CPNE1: variants seen among roughly 807,000 people sequenced by gnomAD.
CPNE1 encodes copine-1.
In CPNE1, 58 loss-of-function variants were observed where a neutral mutation model predicts 63.2. The ratio of observed to expected loss-of-function variants is 0.92; its 90% CI spans 0.74 to 1.14. The LOEUF (loss-of-function observed/expected upper bound fraction) is 1.14. Ranked by LOEUF, CPNE1 falls within the 50% of genes most tolerant of loss-of-function variation. CPNE1 has a pLI of 0.00. For synonymous variants in CPNE1, 237 were observed against 249.0 expected (o/e 0.95, Z 0.45); for missense variants, 672 against 661.7 (o/e 1.02, Z -0.17).
At chr20:35,663,523 T>C (rs1337393595) in intron 1 of CPNE1, among the ~76,000 whole-genome samples, 2 of 152,218 alleles carry the variant, frequency 1.3e-5, no homozygotes, top group African/African-American at 2.4e-5. Context: ...GACTCTATTA[T>C]TGAATAATAT....
Position 35,632,183 on chromosome 20 carries a change from C to T in CPNE1, c.436G>A (p.Ala146Thr), listed in dbSNP as rs762311350. The part of the protein sequence containing the change: ...DNRVVTMEVE[A>T]RNLDKKDFLG... Reference sequence around the variant, plus strand: ...CACACCTTCTTATCTAGGTTTCTGGCCTCTACCTCCATGGTTACTACACGA... The same window carrying T: ...CACACCTTCTTATCTAGGTTTCTGGTCTCTACCTCCATGGTTACTACACGA... The change falls in exon 5 of 16, where the codon GCC becomes ACC. Residue 146 changes from alanine (A) to threonine (T), a missense_variant. Physicochemically the swap from Ala to Thr is moderately conservative, Grantham distance 58. Coordinates refer to ENST00000397443, the MANE Select transcript of CPNE1 (RefSeq NM_152925.3). The T allele has an allele frequency of 1.2e-6, 2 of 1,614,150 alleles. No homozygotes were observed. Among genetic ancestry groups the T allele is most frequent in the South Asian group, 1.1e-5 (1 of 91,088 alleles).
At chr20:35,636,344 A>G (rs1193311554) in intron 1 of CPNE1, among the ~76,000 whole-genome samples, 1 of 152,218 alleles carries the variant, frequency 6.6e-6, no homozygotes, top group Non-Finnish European at 1.5e-5. Context: ...CACAGTACAG[A>G]GACAAATAAA....
At chr20:35,658,634 G>A (rs1254849408) in intron 1 of CPNE1, among the ~76,000 whole-genome samples, 1 of 151,996 alleles carries the variant, frequency 6.6e-6, no homozygotes, top group Non-Finnish European at 1.5e-5. Context: ...GGTGGCAGGC[G>A]CCTGTAATCC....
At chr20:35,659,854 A>AT (rs528829156) in intron 1 of CPNE1, among the ~76,000 whole-genome samples, 4 of 151,944 alleles carry the variant, frequency 2.6e-5, no homozygotes, top group South Asian at 2.1e-4. Flanking sequence ...TTTGCTTTTT[A>AT]TTTTTTTTCA....
rs1464014898 is a variant in CPNE1, at chr20:35,632,855, G to A, written c.69C>T (p.Gly23=). 1 of 872,816 alleles carries A rather than the reference G, an allele frequency of 1.1e-6. No individual in the cohort carries two copies. Among genetic ancestry groups the A allele is most frequent in the African/African-American group, 1.6e-5 (1 of 61,304 alleles). 54.1% of individuals were successfully genotyped at this position (872,816 alleles called of 1,614,324 possible). The part of the protein sequence containing the change: ...SCDHLIDKDI[G]SKSDPLCVLL... ...GGACGCAGAGTGGGTCAGACTTGGA[G>A]CCGATGTCCTTGTCAATGAGATGGT... Residue 23 remains glycine (G), a synonymous_variant, in exon 2 of 16, where the codon GGC becomes GGT. Coordinates refer to ENST00000397443, the MANE Select transcript of CPNE1 (RefSeq NM_152925.3).
At chr20:35,633,959 CAAAAAAAAAAA>C (rs34006508) in intron 1 of CPNE1, among the ~76,000 whole-genome samples, 1 of 40,426 alleles carries the variant, frequency 2.5e-5, no homozygotes, top group Admixed American at 2.8e-4. Context: ...GATTCCGTCT[CAAAAAAAAAAA>C]AAAAAAAAAG....
chr20:35,643,713 C>A (rs2032951542), intron 1 of CPNE1, among the ~76,000 whole-genome samples: 1 of 152,120 alleles, frequency 6.6e-6, no homozygotes, highest in East Asian at 1.9e-4. Flanking sequence ...GCCTAAGCAA[C>A]AGAGTGAGAC....
intron 1 of CPNE1, chr20:35,654,526 A>G (rs1465646434): frequency 6.2e-7 from 1 of 1,614,230 alleles, no homozygotes; most frequent in Admixed American, 1.7e-5. Flanking sequence ...GTTCAAATTC[A>G]TAGGTGCTCC....
intron 1 of CPNE1, among the ~76,000 whole-genome samples, chr20:35,634,475 T>TC (rs998120812): frequency 6.6e-6 from 1 of 151,468 alleles, no homozygotes; most frequent in African/African-American, 2.4e-5. Context: ...GCGCCTGTAA[T>TC]CCTAGCACTT....
At chr20:35,655,563 A>T (rs2033845470) in intron 1 of CPNE1, among the ~76,000 whole-genome samples, 1 of 152,248 alleles carries the variant, frequency 6.6e-6, no homozygotes, top group Non-Finnish European at 1.5e-5. Flanking sequence ...TAATTTTGGA[A>T]ACAGTTCAGT....
chr20:35,633,948 A>T (rs1200151741), intron 1 of CPNE1, among the ~76,000 whole-genome samples: 1 of 109,746 alleles, frequency 9.1e-6, no homozygotes, highest in Non-Finnish European at 1.8e-5. Context: ...AACAAGAGCA[A>T]GATTCCGTCT....
Position 35,631,339 on chromosome 20 carries a change from T to G in CPNE1, c.730A>C (p.Ile244Leu). The change falls in exon 9 of 16, where the codon ATC becomes CTC. Residue 244 changes from isoleucine to leucine, a missense_variant. Coordinates refer to ENST00000397443, the MANE Select transcript of CPNE1 (RefSeq NM_152925.3). ...LQAVPAEFEC[I>L]HPEKQQKKKS... ...TTTTTCTGCTGCTTCTCAGGGTGGA[T>G]GCATTCAAACTCAGCCTGGTGAGGA... 6.2e-7 allele frequency: 1 copy of G among 1,614,146 alleles called. No individual in the cohort carries two copies. The highest frequency in any genetic ancestry group is 8.5e-7 in the Non-Finnish European group (1 of 1,180,012).
intron 1 of CPNE1, chr20:35,653,303 T>G: frequency 6.2e-7 from 1 of 1,613,620 alleles, no homozygotes; most frequent in African/African-American, 1.3e-5. Flanking sequence ...AGTCCTGTGC[T>G]GGGCAGGCCT....
intron 1 of CPNE1, chr20:35,658,895 G>A: frequency 2.8e-6 from 2 of 704,668 alleles, no homozygotes; most frequent in Non-Finnish European, 5.3e-6. Context: ...ATTTTATTTT[G>A]TATAAAAACG....
intron 1 of CPNE1, among the ~76,000 whole-genome samples, chr20:35,660,638 G>A (rs2034181742): frequency 1.3e-5 from 2 of 152,186 alleles, no homozygotes; most frequent in Admixed American, 1.3e-4. Context: ...AAAGCAATGA[G>A]CAAGAGCATG....
intron 1 of CPNE1, among the ~76,000 whole-genome samples, chr20:35,642,006 AG>A (rs1338248367): frequency 6.6e-6 from 1 of 152,220 alleles, no homozygotes; most frequent in Admixed American, 6.5e-5. Context: ...AACTGCAAAA[AG>A]TCATGGCTTC....
At position 35,653,810 on chromosome 20, in the gene CPNE1, T is replaced by C. The variant is rs377507072; in HGVS notation, c.-1+10950A>G. The C allele has an allele frequency of 3.1e-6, 5 of 1,613,774 alleles. No homozygotes were observed. The African/African-American group carries it at 4.0e-5, about 13-fold the overall frequency. ...TTTTCTAGCATACCTTTCTTAGTAA[T>C]TGGATGAACTTGAATAAAGCGATTG... On this transcript the variant is annotated intron_variant, in intron 1 of 15. Transcript: ENST00000397443.
chr20:35,626,356 G>A lies in CPNE1; in HGVS notation c.1499C>T (p.Thr500Ile). The A allele has an allele frequency of 6.2e-7, 1 of 1,614,162 alleles. No individual in the cohort carries two copies. ...TTGTGTGGGCACTTCTGCGAGCACG[G>A]TCTGTGCCAATGCCTCCCGAGGGGC... ...QNAPREALAQTVLAEVPTQLV... is the reference protein window; with the variant it reads ...QNAPREALAQIVLAEVPTQLV... The change falls in exon 16 of 16, where the codon ACC (threonine) becomes ATC (isoleucine). Residue 500 changes from threonine to isoleucine, a missense_variant. Physicochemically the swap from Thr to Ile is moderately conservative, Grantham distance 89. Coordinates refer to ENST00000397443, the MANE Select transcript of CPNE1 (RefSeq NM_152925.3).
At chr20:35,643,319 G>A (rs1463729320) in intron 1 of CPNE1, 1 of 152,568 alleles carries the variant, frequency 6.6e-6, no homozygotes, top group Non-Finnish European at 1.5e-5. Flanking sequence ...CTGGTCTTTG[G>A]TCAAGGATAT....
Sources: allele counts gnomAD v4.1 joint callset (sites outside exome capture counted in the v4.1 genomes callset), GRCh38; gene constraint gnomAD v4.1.1; transcripts MANE v1.5; gene names NCBI Gene and HGNC (gene_info 2026-07-23, HGNC 2026-07-21).